The following PDZRN4 variants were observed in gnomAD, a reference collection of about 807,000 sequenced individuals.
The protein encoded by PDZRN4 is PDZ domain containing ring finger 4, also known as PDZ domain-containing RING finger protein 4.
A neutral mutation model predicts 99.0 loss-of-function variants in PDZRN4; 70 were observed. The observed-to-expected ratio is 0.71, with a 90% CI of 0.58 to 0.86. PDZRN4 has a LOEUF of 0.86. PDZRN4 is among the 40% of genes least tolerant of loss of function. The probability of loss-of-function intolerance (pLI) is 0.00; values close to 1 mark genes in which losing one functional copy is unlikely to be tolerated. For synonymous variants in PDZRN4, 551 were observed against 501.6 expected, an observed-to-expected ratio of 1.10 and a Z score of -1.32; for missense variants, 1,474 against 1,331.2, an observed-to-expected ratio of 1.11 and a Z score of -1.67.
At chr12:41,263,057 C>A (rs994213985) in intron 3 of PDZRN4, among the ~76,000 whole-genome samples, 4 of 151,968 alleles carry the variant, frequency 2.6e-5, no homozygotes, top group African/African-American at 9.7e-5. Context: ...CTTAAGGTAA[C>A]TTCAGTGATT....
chr12:41,499,761 A>G (rs36038624), intron 3 of PDZRN4, among the ~76,000 whole-genome samples: 22,308 of 152,064 alleles, frequency 0.15, 1,713 homozygotes, highest in South Asian at 0.24. Context: ...TCCTGCTTGC[A>G]TTTGAGAATG....
rs181280421 is a variant in PDZRN4, at chr12:41,391,207, G to A, written c.844-115249G>A. Among the ~76,000 whole-genome samples, 14 of 152,310 alleles carry A rather than the reference G, an allele frequency of 9.2e-5. No individual in the cohort carries two copies. The East Asian group carries it at 2.5e-3, about 27-fold the overall frequency. On this transcript the variant is annotated intron_variant, in intron 3 of 9. Coordinates refer to ENST00000402685, the MANE Select transcript of PDZRN4 (RefSeq NM_001164595.2). ...AAGAGTGCCCCCCTGAAGAAGGTTA[G>A]GGATGGAGGCACTCTGTCAATACCT...
At chr12:41,380,668 G>C (rs999426066) in intron 3 of PDZRN4, among the ~76,000 whole-genome samples, 2 of 151,812 alleles carry the variant, frequency 1.3e-5, no homozygotes, top group Non-Finnish European at 2.9e-5. Context: ...GCTTACATTT[G>C]TTTTATTGTG....
intron 3 of PDZRN4, among the ~76,000 whole-genome samples, chr12:41,272,109 T>C (rs1202527764): frequency 6.6e-6 from 1 of 152,116 alleles, no homozygotes; most frequent in Non-Finnish European, 1.5e-5. Context: ...ACTTGTTTCC[T>C]TAATTCACAT....
chr12:41,241,644 T>G (rs1315902166), intron 3 of PDZRN4, among the ~76,000 whole-genome samples: 2 of 152,298 alleles, frequency 1.3e-5, no homozygotes, highest in Middle Eastern at 6.8e-3. Context: ...ACACTTAATA[T>G]AGTGCAAGGT....
At chr12:41,548,430 C>G (rs1317533048) in intron 5 of PDZRN4, among the ~76,000 whole-genome samples, 1 of 152,140 alleles carries the variant, frequency 6.6e-6, no homozygotes, top group African/African-American at 2.4e-5. Flanking sequence ...ATGATTAACA[C>G]TCAGATTGAG....
intron 3 of PDZRN4, among the ~76,000 whole-genome samples, chr12:41,490,746 T>C (rs987184944): frequency 1.3e-5 from 2 of 152,106 alleles, no homozygotes; most frequent in Non-Finnish European, 2.9e-5. Context: ...TTATTGATTT[T>C]AGAGAGGGGA....
At chr12:41,300,302 G>A (rs1880890) in intron 3 of PDZRN4, among the ~76,000 whole-genome samples, 95,193 of 151,564 alleles carry the variant, frequency 0.63, 30,438 homozygotes, top group South Asian at 0.78. Context: ...TACTATGTCA[G>A]TAAGTGATAT....
At chr12:41,205,697 C>T (rs1338834302) in intron 3 of PDZRN4, among the ~76,000 whole-genome samples, 1 of 151,874 alleles carries the variant, frequency 6.6e-6, no homozygotes, top group Non-Finnish European at 1.5e-5. Context: ...TTCATATTGC[C>T]TTCTCCTGGC....
intron 5 of PDZRN4, among the ~76,000 whole-genome samples, chr12:41,535,549 A>G (rs1166989906): frequency 1.3e-5 from 2 of 152,150 alleles, no homozygotes; most frequent in African/African-American, 4.8e-5. Flanking sequence ...GGCAACTGTT[A>G]CTGTTTGAAT....
intron 5 of PDZRN4, among the ~76,000 whole-genome samples, chr12:41,524,667 T>A (rs1938543129): frequency 6.6e-6 from 1 of 152,172 alleles, no homozygotes; most frequent in African/African-American, 2.4e-5. Context: ...GCTTATGGAT[T>A]TTATTATAAG....
intron 5 of PDZRN4, among the ~76,000 whole-genome samples, chr12:41,544,466 C>G (rs1386084167): frequency 6.6e-6 from 1 of 152,174 alleles, no homozygotes; most frequent in Non-Finnish European, 1.5e-5. Flanking sequence ...CATAAGCTCT[C>G]AGTCCTCTGC....
intron 3 of PDZRN4, among the ~76,000 whole-genome samples, chr12:41,329,778 A>G (rs1375887695): frequency 6.6e-6 from 1 of 152,082 alleles, no homozygotes; most frequent in Non-Finnish European, 1.5e-5. Context: ...ATTCAACTCC[A>G]CTAAATTTAT....
chr12:41,244,007 C>A (rs1186378539), intron 3 of PDZRN4, among the ~76,000 whole-genome samples: 1 of 152,134 alleles, frequency 6.6e-6, no homozygotes, highest in Non-Finnish European at 1.5e-5. Flanking sequence ...GCTGGAGGAG[C>A]CTTTATGCCT....
At chr12:41,550,261 A>G (rs1308202923) in intron 5 of PDZRN4, among the ~76,000 whole-genome samples, 1 of 152,152 alleles carries the variant, frequency 6.6e-6, no homozygotes, top group East Asian at 1.9e-4. Flanking sequence ...TTGTTAGGGC[A>G]TTGAAAGTCG....
chr12:41,269,995 C>T (rs1232453810), intron 3 of PDZRN4, among the ~76,000 whole-genome samples: 1 of 152,120 alleles, frequency 6.6e-6, no homozygotes, highest in Non-Finnish European at 1.5e-5. Context: ...TTTGCTTTGT[C>T]TGTCTCTCTC....
At chr12:41,535,851 C>G (rs1031206417) in intron 5 of PDZRN4, among the ~76,000 whole-genome samples, 1 of 152,176 alleles carries the variant, frequency 6.6e-6, no homozygotes, top group Non-Finnish European at 1.5e-5. Flanking sequence ...TCCCAGCCCT[C>G]CAGAACCATG....
At chr12:41,406,524 T>C (rs1952351397) in intron 3 of PDZRN4, among the ~76,000 whole-genome samples, 1 of 152,150 alleles carries the variant, frequency 6.6e-6, no homozygotes, top group African/African-American at 2.4e-5. Context: ...TCATTATCAA[T>C]CTGTTGAATG....
chr12:41,364,340 C>T (rs908318437), intron 3 of PDZRN4, among the ~76,000 whole-genome samples: 3 of 152,000 alleles, frequency 2.0e-5, no homozygotes, highest in South Asian at 2.1e-4. Flanking sequence ...TCTTCAATGC[C>T]ATACTACATG....
Sources: gnomAD v4.1 joint callset for allele counts (sites outside exome capture counted in the v4.1 genomes callset) on GRCh38, gnomAD v4.1.1 for gene constraint, MANE v1.5 for transcripts, NCBI Gene and HGNC (gene_info 2026-07-23, HGNC 2026-07-21) for gene names.